XPO7: variants seen among roughly 807,000 people sequenced by gnomAD.
The protein encoded by XPO7 is exportin-7.
Under a neutral mutation model 144.3 loss-of-function variants are expected in XPO7, and 21 were observed. The observed-to-expected ratio is 0.15, with a 90% CI of 0.10 to 0.21. The LOEUF (loss-of-function observed/expected upper bound fraction) is 0.21. Ranked by LOEUF, XPO7 falls within the 10% of genes least tolerant of loss-of-function variation. The pLI, the probability that XPO7 is intolerant of heterozygous loss-of-function variation, is 1.00. For synonymous variants in XPO7, 580 were observed against 499.6 expected, an observed-to-expected ratio of 1.16 and a Z score of -2.15; for missense variants, 808 against 1,325.8, an observed-to-expected ratio of 0.61 and a Z score of 6.06.
intron 1 of XPO7, among the ~76,000 whole-genome samples, chr8:21,949,030 A>G (rs192592539): frequency 5.4e-4 from 82 of 152,322 alleles, no homozygotes; most frequent in Non-Finnish European, 9.7e-4. Flanking sequence ...ACGGGCCCTA[A>G]GATGAGAACA....
chr8:21,985,784 A>T, intron 13 of XPO7, 93 bp downstream of exon 13: 1 of 1,077,136 alleles, frequency 9.3e-7, no homozygotes, highest in Non-Finnish European at 1.4e-6. Context: ...CGTAATCTGA[A>T]CATGCTAACT....
At chr8:21,925,639 G>A (rs1810435178) in intron 1 of XPO7, among the ~76,000 whole-genome samples, 1 of 152,128 alleles carries the variant, frequency 6.6e-6, no homozygotes. Context: ...CAGGCACCAT[G>A]CTAAGCCTTT....
intron 8 of XPO7, among the ~76,000 whole-genome samples, chr8:21,979,170 T>C (rs1381521622): frequency 6.6e-6 from 1 of 151,780 alleles, no homozygotes. Context: ...CTCAGCCTCC[T>C]GAGTAGCTGG....
At position 21,984,858 on chromosome 8, in the gene XPO7, G is replaced by A. The variant is rs374143198; in HGVS notation, c.1471+19G>A. ...CAGGAGGGTGAGTGTGCAGCGTGCT[G>A]GGAACTCTAGACCTGTGAGGAGATG... On this transcript the variant is annotated intron_variant, in intron 12 of 27. Coordinates refer to ENST00000252512, the MANE Select transcript of XPO7 (RefSeq NM_015024.5). The A allele has an allele frequency of 8.6e-5, 139 of 1,611,788 alleles. No homozygotes were observed. The highest frequency in any genetic ancestry group is 5.7e-4 in the Admixed American group (34 of 59,952).
chr8:21,967,508 T>C (rs913466459), intron 2 of XPO7, among the ~76,000 whole-genome samples: 1 of 152,140 alleles, frequency 6.6e-6, no homozygotes, highest in Non-Finnish European at 1.5e-5. Context: ...TTTTGTATTT[T>C]TTTTAGTAGA....
At chr8:21,964,081 A>AT (rs1404112551) in intron 1 of XPO7, 2 of 152,210 alleles carry the variant, frequency 1.3e-5, no homozygotes, top group Admixed American at 1.3e-4. Flanking sequence ...AAAAAGCAGT[A>AT]TTTTGCTAGC....
intron 1 of XPO7, among the ~76,000 whole-genome samples, chr8:21,950,253 T>A (rs1183961710): frequency 6.6e-6 from 1 of 152,258 alleles, no homozygotes; most frequent in African/African-American, 2.4e-5. Context: ...AACAGAAATT[T>A]AAGTTCCAAA....
intron 1 of XPO7, among the ~76,000 whole-genome samples, chr8:21,935,223 TTTATA>T (rs1489028376): frequency 6.6e-6 from 1 of 152,186 alleles, no homozygotes; most frequent in Non-Finnish European, 1.5e-5. Context: ...TAAAAGGACT[TTTATA>T]TTTAAATAGC....
At position 21,999,136 on chromosome 8, in the gene XPO7, A is replaced by G. The variant is rs778146394; in HGVS notation, c.2474A>G (p.Tyr825Cys). 5 of 1,613,944 alleles carry G rather than the reference A, an allele frequency of 3.1e-6. No homozygotes were observed. Among genetic ancestry groups the G allele is most frequent in the Non-Finnish European group, 3.4e-6 (4 of 1,179,874 alleles). The change falls in exon 23 of 28, where the codon TAT becomes TGT. Residue 825 changes from tyrosine to cysteine, a missense_variant. Physicochemically the swap from Tyr to Cys is radical, Grantham distance 194. Around this residue, in one of 5 missense-constraint regions of XPO7, gnomAD observed 416 missense variants for 612.5 expected, o/e 0.68. Transcript: ENST00000252512. The stretch of plus-strand genomic sequence containing the variant: ...GGAGAGGTCCCAAAGGATCAGGTCT[A>G]TGCTCTGAAGCTCAAGGGCATCTCC... ...TLGEVPKDQV[Y>C]ALKLKGISIC...
intron 1 of XPO7, among the ~76,000 whole-genome samples, chr8:21,953,443 C>T (rs1212706917): frequency 6.6e-6 from 1 of 152,118 alleles, no homozygotes; most frequent in Non-Finnish European, 1.5e-5. Context: ...CTTTTTGTAG[C>T]CAAGTTTTGG....
intron 1 of XPO7, among the ~76,000 whole-genome samples, chr8:21,940,722 G>A (rs1048159238): frequency 2.0e-5 from 3 of 152,090 alleles, no homozygotes; most frequent in Non-Finnish European, 4.4e-5. Flanking sequence ...ACCTGCCTTG[G>A]CCTCCCAAAG....
intron 1 of XPO7, among the ~76,000 whole-genome samples, chr8:21,935,845 T>C (rs1810803871): frequency 6.6e-6 from 1 of 152,098 alleles, no homozygotes; most frequent in Admixed American, 6.5e-5. Context: ...TTTCTCTCTC[T>C]CTCAATCTCT....
In XPO7 at chr8:21,995,610, G is replaced by A. The variant is rs1487111423; in HGVS notation, c.2345+11G>A. 1 of 1,577,070 alleles carries A rather than the reference G, an allele frequency of 6.3e-7. No homozygotes were observed. The highest frequency in any genetic ancestry group is 2.3e-5 in the East Asian group (1 of 43,806). On this transcript the variant is annotated intron_variant, in intron 21 of 27. Transcript: ENST00000252512. ...ATTGGTTCATAATAGGTAAGCAGGAGGCAGAGCTTGCAAGGGCACATCTGC... is the reference window on the plus strand; with the variant it reads ...ATTGGTTCATAATAGGTAAGCAGGAAGCAGAGCTTGCAAGGGCACATCTGC...
At chr8:21,929,486 C>T (rs551448864) in intron 1 of XPO7, among the ~76,000 whole-genome samples, 2 of 152,224 alleles carry the variant, frequency 1.3e-5, no homozygotes, top group Non-Finnish European at 2.9e-5. Context: ...AACTTATCAT[C>T]TGCCAAAGCA....
chr8:21,994,240 T>G (rs1427947778), intron 19 of XPO7, 123 bp from the exon 20 acceptor site: 3 of 607,318 alleles, frequency 4.9e-6, no homozygotes, highest in Non-Finnish European at 8.8e-6. Context: ...TCCGAATATT[T>G]GAGAAGGAGT....
intron 20 of XPO7, among the ~76,000 whole-genome samples, chr8:21,994,923 G>A (rs1030589958): frequency 1.3e-5 from 2 of 152,040 alleles, no homozygotes; most frequent in Admixed American, 6.5e-5. Context: ...GCGTGGTGGC[G>A]GGCGCTTGTA....
At chr8:21,970,094 A>C in intron 3 of XPO7, 50 bp from the exon 4 acceptor site, 5 of 1,572,898 alleles carry the variant, frequency 3.2e-6, no homozygotes, top group Non-Finnish European at 3.4e-6. Flanking sequence ...CTTCTCTGGC[A>C]GAGCTTTCTA....
intron 16 of XPO7, among the ~76,000 whole-genome samples, chr8:21,989,932 C>T (rs150164673): frequency 0.025 from 3,645 of 145,040 alleles, 175 homozygotes; most frequent in African/African-American, 0.087. Context: ...TCACTACAAG[C>T]TCCGCCTCCC....
intron 1 of XPO7, among the ~76,000 whole-genome samples, chr8:21,933,217 C>T (rs560422064): frequency 6.6e-6 from 1 of 150,944 alleles, no homozygotes; most frequent in East Asian, 2.0e-4. Context: ...TCTCCTGTCT[C>T]AGCCTCCTGA....
Sources: allele counts gnomAD v4.1 joint callset (sites outside exome capture counted in the v4.1 genomes callset), GRCh38; gene constraint gnomAD v4.1.1; regional missense constraint gnomAD v4.1.1; transcripts MANE v1.5; gene names NCBI Gene and HGNC (gene_info 2026-07-23, HGNC 2026-07-21).